AGBL1: variants seen among roughly 807,000 people sequenced by gnomAD.
AGBL1 encodes the protein AGBL carboxypeptidase 1, also known as cytosolic carboxypeptidase 4.
A neutral mutation model predicts 118.9 loss-of-function variants in AGBL1; 130 were observed. The ratio of observed to expected loss-of-function variants is 1.09; its 90% CI spans 0.95 to 1.26. The LOEUF (loss-of-function observed/expected upper bound fraction) is 1.26. AGBL1 is among the 50% of genes most tolerant of loss of function. The pLI is 0.00. For synonymous variants in AGBL1, 555 were observed against 478.9 expected, an observed-to-expected ratio of 1.16 and a Z score of -2.08; for missense variants, 1,584 against 1,298.1, an observed-to-expected ratio of 1.22 and a Z score of -3.38.
At chr15:86,989,250 C>T (rs2081314323) in intron 24 of AGBL1, among the ~76,000 whole-genome samples, 1 of 152,046 alleles carries the variant, frequency 6.6e-6, no homozygotes, top group African/African-American at 2.4e-5. Flanking sequence ...ATCATCTTAC[C>T]TTGGCTTCCC....
chr15:86,585,948 G>A (rs754621557), intron 21 of AGBL1, among the ~76,000 whole-genome samples: 1 of 152,198 alleles, frequency 6.6e-6, no homozygotes, highest in Non-Finnish European at 1.5e-5. Flanking sequence ...AGAATACCTA[G>A]CCATGCTCCA....
intron 24 of AGBL1, among the ~76,000 whole-genome samples, chr15:87,017,221 C>T (rs1344740602): frequency 6.6e-6 from 1 of 151,982 alleles, no homozygotes; most frequent in Admixed American, 6.6e-5. Flanking sequence ...TCTGGAGAGT[C>T]TGGACAGTCC....
chr15:86,587,222 A>C (rs553697498), intron 21 of AGBL1, among the ~76,000 whole-genome samples: 2 of 152,252 alleles, frequency 1.3e-5, no homozygotes, highest in African/African-American at 2.4e-5. Flanking sequence ...CACGGACAGG[A>C]TGAATACTTT....
intron 5 of AGBL1, among the ~76,000 whole-genome samples, chr15:86,176,660 C>A (rs1250205847): frequency 1.3e-5 from 2 of 152,116 alleles, no homozygotes; most frequent in South Asian, 2.1e-4. Flanking sequence ...GGCTGTTGGG[C>A]CCCAGGGCAG....
chr15:86,633,878 GTATA>G (rs142817512), intron 21 of AGBL1, among the ~76,000 whole-genome samples: 10 of 98,968 alleles, frequency 1.0e-4, no homozygotes, highest in African/African-American at 3.1e-4. Flanking sequence ...TATATATAAT[GTATA>G]TATATATATA....
At chr15:86,563,989 C>T (rs1158784161) in intron 21 of AGBL1, among the ~76,000 whole-genome samples, 1 of 152,162 alleles carries the variant, frequency 6.6e-6, no homozygotes, top group Non-Finnish European at 1.5e-5. Flanking sequence ...CTTGGTAGAT[C>T]TTCCTCCATC....
intron 23 of AGBL1, among the ~76,000 whole-genome samples, chr15:86,977,707 A>T (rs1466074967): frequency 6.6e-6 from 1 of 151,946 alleles, no homozygotes; most frequent in African/African-American, 2.4e-5. Flanking sequence ...TAATTACTTA[A>T]GTCTACTAGA....
intron 22 of AGBL1, among the ~76,000 whole-genome samples, chr15:86,683,979 C>G (rs563124606): frequency 6.6e-6 from 1 of 152,128 alleles, no homozygotes; most frequent in African/African-American, 2.4e-5. Context: ...ATGGCTCTTA[C>G]CGAAGAGCTA....
intron 6 of AGBL1, among the ~76,000 whole-genome samples, chr15:86,234,978 CT>C (rs1323714458): frequency 6.6e-6 from 1 of 151,988 alleles, no homozygotes; most frequent in African/African-American, 2.4e-5. Context: ...TTTCAAGAAG[CT>C]TTTTCTGTAA....
intron 22 of AGBL1, among the ~76,000 whole-genome samples, chr15:86,766,880 C>A (rs1202945992): frequency 1.3e-5 from 2 of 151,778 alleles, no homozygotes; most frequent in Non-Finnish European, 2.9e-5. Context: ...CCCCTCTGCT[C>A]TGAGAATTAA....
chr15:86,195,335 T>C lies in AGBL1; in HGVS notation c.489-29579T>C, dbSNP rs572664800. Among the ~76,000 whole-genome samples, 27 of 152,282 alleles carry C rather than the reference T, an allele frequency of 1.8e-4. 1 individual carries two copies. In the South Asian group the frequency reaches 5.6e-3, roughly 32 times the overall value. ...GAATTTGCATATAGTCATCCTGGAC[T>C]AAATTAGACACACACATACATGTGT... On this transcript the variant is annotated intron_variant, in intron 5 of 22. Transcript: ENST00000614907.
At chr15:86,972,082 G>A (rs920548163) in intron 23 of AGBL1, among the ~76,000 whole-genome samples, 2 of 151,838 alleles carry the variant, frequency 1.3e-5, no homozygotes, top group African/African-American at 4.8e-5. Flanking sequence ...ATCCTCTCAG[G>A]CAGTTCTTTG....
intron 18 of AGBL1, among the ~76,000 whole-genome samples, chr15:86,405,947 T>C (rs1296235802): frequency 6.6e-6 from 1 of 152,102 alleles, no homozygotes; most frequent in Admixed American, 6.5e-5. Flanking sequence ...TCCATGAGGC[T>C]GGTGTTTGGA....
chr15:86,776,772 G>A (rs2078262071), intron 22 of AGBL1, among the ~76,000 whole-genome samples: 2 of 150,882 alleles, frequency 1.3e-5, no homozygotes, highest in South Asian at 2.1e-4. Context: ...GTGTGTGTGT[G>A]TGTGTGTGTG....
chr15:86,923,225 G>A (rs1018089894), intron 23 of AGBL1, among the ~76,000 whole-genome samples: 5 of 152,178 alleles, frequency 3.3e-5, no homozygotes, highest in Admixed American at 6.5e-5. Context: ...AATTATGTGG[G>A]CTTAGGGCAG....
intron 23 of AGBL1, among the ~76,000 whole-genome samples, chr15:86,975,464 G>T (rs767121004): frequency 7.9e-5 from 12 of 152,052 alleles, no homozygotes; most frequent in Non-Finnish European, 1.2e-4. Flanking sequence ...ACGACACCTG[G>T]GAATTATGGG....
At position 86,606,952 on chromosome 15, in the gene AGBL1, T is replaced by C. The variant is rs114781264; in HGVS notation, c.2994+52415T>C. 4.1e-3 allele frequency among the ~76,000 whole-genome samples: 597 copies of C among 146,246 alleles called. 2 individuals are homozygous for C. The highest frequency in any genetic ancestry group is 0.014 in the African/African-American group (568 of 40,448). ...TCGTTTTACTGCCTTAAAGATCCCCTGTGCTTCCCCTACTCATCCTTCCTT... is the reference window on the plus strand; with the variant it reads ...TCGTTTTACTGCCTTAAAGATCCCCCGTGCTTCCCCTACTCATCCTTCCTT... On this transcript the variant is annotated intron_variant, in intron 21 of 22. Coordinates refer to ENST00000614907, the MANE Select transcript of AGBL1 (RefSeq NM_001386094.1).
chr15:86,544,278 G>C (rs2083546642), intron 19 of AGBL1, among the ~76,000 whole-genome samples: 1 of 152,188 alleles, frequency 6.6e-6, no homozygotes, highest in African/African-American at 2.4e-5. Flanking sequence ...ACTTTGCAGA[G>C]AGTCTCATCA....
chr15:87,030,429 T>C (rs1872596688), downstream of AGBL1, among the ~76,000 whole-genome samples: 1 of 152,020 alleles, frequency 6.6e-6, no homozygotes, highest in Non-Finnish European at 1.5e-5. Context: ...TGAACAGTAG[T>C]AATAAAAGCA....
Sources: gnomAD v4.1 joint callset for allele counts (sites outside exome capture counted in the v4.1 genomes callset) on GRCh38, gnomAD v4.1.1 for gene constraint, MANE v1.5 for transcripts, NCBI Gene and HGNC (gene_info 2026-07-23, HGNC 2026-07-21) for gene names.